Variants in AKAP19 observed in about 807,000 individuals in gnomAD.
The protein encoded by AKAP19 is A-kinase anchoring protein 19, also known as small A-kinase anchoring protein.
At chr2:190,182,147 C>T in the AKAP19 span, among the ~76,000 whole-genome samples, 3 of 152,198 alleles carry the variant, frequency 2.0e-5, no homozygotes, top group African/African-American at 4.8e-5. Flanking sequence ...TGATTGAACA[C>T]TTCAGTGACA....
At chr2:189,911,973 A>C in the AKAP19 span, among the ~76,000 whole-genome samples, 8 of 152,182 alleles carry the variant, frequency 5.3e-5, 1 homozygote, top group Admixed American at 4.6e-4. Context: ...TCAGAATAGA[A>C]AATAAATATG....
the AKAP19 span, chr2:190,062,657 G>A: frequency 6.4e-7 from 1 of 1,558,336 alleles, no homozygotes; most frequent in East Asian, 2.3e-5. Context: ...CTTTTCTTTT[G>A]CTTTTGAGTA....
the AKAP19 span, among the ~76,000 whole-genome samples, chr2:190,093,439 A>T: frequency 6.6e-6 from 1 of 152,252 alleles, no homozygotes. Context: ...TCTCAAAAAA[A>T]AAAGAAAACA....
the AKAP19 span, among the ~76,000 whole-genome samples, chr2:189,994,377 G>T: frequency 6.6e-6 from 1 of 151,674 alleles, no homozygotes; most frequent in East Asian, 1.9e-4. Context: ...AGTTCCTTGA[G>T]GTGTGACCTT....
At chr2:190,060,964 A>G in the AKAP19 span, among the ~76,000 whole-genome samples, 1 of 152,034 alleles carries the variant, frequency 6.6e-6, no homozygotes. Flanking sequence ...CTTTGGAATA[A>G]CCTTTTAAAG....
At chr2:190,069,136 A>ATG in the AKAP19 span, among the ~76,000 whole-genome samples, 3,335 of 127,648 alleles carry the variant, frequency 0.026, 163 homozygotes, top group African/African-American at 0.089. Context: ...GTGCATGCAT[A>ATG]TGTGTGTGTG....
the AKAP19 span, among the ~76,000 whole-genome samples, chr2:189,979,682 G>A: frequency 6.6e-6 from 1 of 152,050 alleles, no homozygotes; most frequent in African/African-American, 2.4e-5. Flanking sequence ...ACTTGACATA[G>A]GAGTAATACT....
At chr2:189,931,047 C>G in the AKAP19 span, 1 of 512,790 alleles carries the variant, frequency 2.0e-6, no homozygotes, top group Non-Finnish European at 3.5e-6. Context: ...GATCTGTGCA[C>G]TGACAGTCTT....
chr2:190,110,893 ATGTAGGGCGCTGTCAT>A, the AKAP19 span, among the ~76,000 whole-genome samples: 3 of 152,194 alleles, frequency 2.0e-5, no homozygotes, highest in African/African-American at 7.2e-5. Context: ...GAGACGAATA[ATGTAGGGCGCTGTCAT>A]TGTAGGGCGG....
the AKAP19 span, chr2:190,180,577 G>T: frequency 4.8e-5 from 47 of 985,842 alleles, no homozygotes; most frequent in Middle Eastern, 5.2e-4. This position sits in a 1 kb window ranked among gnomAD's most constrained non-coding sequence, Gnocchi z 6.8. Flanking sequence ...TGGTAGTTGC[G>T]GGGGGCGTGA....
At chr2:190,154,973 A>C in the AKAP19 span, among the ~76,000 whole-genome samples, 1 of 152,176 alleles carries the variant, frequency 6.6e-6, no homozygotes, top group Non-Finnish European at 1.5e-5. Flanking sequence ...CGCTTTTCTA[A>C]GGCTTACTTA....
the AKAP19 span, among the ~76,000 whole-genome samples, chr2:190,066,932 G>A: frequency 6.6e-6 from 1 of 152,110 alleles, no homozygotes; most frequent in Non-Finnish European, 1.5e-5. Context: ...ACTGTCTTCA[G>A]GAAACCTATG....
the AKAP19 span, among the ~76,000 whole-genome samples, chr2:190,035,739 C>T: frequency 6.6e-6 from 1 of 152,116 alleles, no homozygotes; most frequent in East Asian, 1.9e-4. Context: ...CATGATATTG[C>T]ATGTATCAGT....
chr2:189,984,560 C>T, the AKAP19 span, among the ~76,000 whole-genome samples: 54 of 152,238 alleles, frequency 3.5e-4, 1 homozygote, highest in South Asian at 0.011. Context: ...GCAATTATCA[C>T]ACAGTCCTGA....
the AKAP19 span, among the ~76,000 whole-genome samples, chr2:190,184,107 T>C: frequency 6.6e-6 from 1 of 152,134 alleles, no homozygotes; most frequent in African/African-American, 2.4e-5. Context: ...AATCAGTATC[T>C]CACATGGGAA....
chr2:190,088,822 C>T, the AKAP19 span, among the ~76,000 whole-genome samples: 1 of 152,204 alleles, frequency 6.6e-6, no homozygotes, highest in African/African-American at 2.4e-5. Flanking sequence ...GAGGAGACAT[C>T]TTTACATTCT....
chr2:189,963,886 C>A, the AKAP19 span, among the ~76,000 whole-genome samples: 2 of 152,022 alleles, frequency 1.3e-5, no homozygotes, highest in Non-Finnish European at 2.9e-5. Context: ...ACCTCAGCCT[C>A]CTGAGTAGCT....
the AKAP19 span, among the ~76,000 whole-genome samples, chr2:190,188,337 C>T: frequency 6.6e-6 from 1 of 152,150 alleles, no homozygotes; most frequent in Non-Finnish European, 1.5e-5. Context: ...TTTTGAGAAA[C>T]TGTGTTTTTT....
At chr2:189,934,011 C>T in the AKAP19 span, among the ~76,000 whole-genome samples, 3 of 152,074 alleles carry the variant, frequency 2.0e-5, no homozygotes, top group Non-Finnish European at 1.5e-5. Context: ...ACACATTTAT[C>T]AGAGAAATTT....
Sources: allele counts gnomAD v4.1 joint callset (sites outside exome capture counted in the v4.1 genomes callset), GRCh38; gene constraint gnomAD v4.1.1; non-coding constraint Gnocchi (gnomAD v3.1); transcripts MANE v1.5; gene names NCBI Gene and HGNC (gene_info 2026-07-23, HGNC 2026-07-21).